The following ACLY variants were observed in gnomAD, a reference collection of about 807,000 sequenced individuals.
The protein encoded by ACLY is ATP-citrate synthase.
ACLY carries 41 observed loss-of-function variants against 133.0 expected under a neutral mutation model. The ratio of observed to expected loss-of-function variants is 0.31; its 90% confidence interval spans 0.24 to 0.40. The LOEUF is 0.40. ACLY is among the 10% of genes least tolerant of loss of function. ACLY has a pLI of 1.00. For missense variants in ACLY, 1,046 were observed against 1,453.8 expected, an observed-to-expected ratio of 0.72 and a Z score of 4.56; for synonymous variants, 495 against 549.3, an observed-to-expected ratio of 0.90 and a Z score of 1.38.
chr17:41,912,660 G>T, intron 2 of ACLY, 118 bp from the exon 3 acceptor site: 1 of 1,283,882 alleles, frequency 7.8e-7, no homozygotes, highest in Non-Finnish European at 1.1e-6. Context: ...TCCAAAGCCA[G>T]CCCTAACCAT....
chr17:41,921,084 C>T (rs2050175899), upstream of ACLY, among the ~76,000 whole-genome samples: 2 of 149,314 alleles, frequency 1.3e-5, no homozygotes, highest in Admixed American at 6.7e-5. Flanking sequence ...CGAGATCGCA[C>T]CAGTGCACTC....
Position 41,910,272 on chromosome 17 carries a change from T to C in ACLY, c.295A>G (p.Thr99Ala). ...ATCAGAAAGTTCTTGAGGAAGCCTG[T>C]GGCCTTGCCAACCTACAGAAAAATT... Reference protein sequence around the residue: ...LGQEATVGKATGFLKNFLIEP... With the variant: ...LGQEATVGKAAGFLKNFLIEP... Residue 99 changes from threonine (T) to alanine (A), a missense_variant, in exon 4 of 29, where the codon ACA becomes GCA. Physicochemically the swap from Thr to Ala is moderately conservative, Grantham distance 58 (BLOSUM62 0). This residue lies in a region of ACLY where 227 missense variants were observed against 245.6 expected (regional missense o/e 0.92). Transcript: ENST00000352035. 1 of 1,613,762 alleles carries C rather than the reference T, an allele frequency of 6.2e-7. No homozygotes were observed. The highest frequency in any genetic ancestry group is 8.5e-7 in the Non-Finnish European group (1 of 1,179,874).
chr17:41,872,403 G>A (rs1217924652), intron 23 of ACLY, among the ~76,000 whole-genome samples: 2 of 152,180 alleles, frequency 1.3e-5, no homozygotes, highest in Admixed American at 6.5e-5. Flanking sequence ...TTGGCTCACT[G>A]CAACCTCCAC....
intron 21 of ACLY, 90 bp from the exon 22 acceptor site, chr17:41,878,286 C>T: frequency 2.4e-6 from 2 of 817,664 alleles, no homozygotes; most frequent in Non-Finnish European, 3.6e-6. Flanking sequence ...CTAACCCAAA[C>T]ACTGTAGGTT....
chr17:41,902,504 G>A (rs1282504605), intron 10 of ACLY, among the ~76,000 whole-genome samples: 3 of 152,302 alleles, frequency 2.0e-5, no homozygotes, highest in South Asian at 4.1e-4. Flanking sequence ...GTGAGCCACC[G>A]CGCCCAGCGC....
intron 16 of ACLY, among the ~76,000 whole-genome samples, chr17:41,890,241 T>G (rs1413221885): frequency 2.0e-5 from 3 of 152,194 alleles, no homozygotes; most frequent in Non-Finnish European, 2.9e-5. Context: ...CATGTTTTTC[T>G]GAAATGGGAC....
intron 20 of ACLY, among the ~76,000 whole-genome samples, chr17:41,880,808 G>A (rs2144252364): frequency 6.6e-6 from 1 of 152,056 alleles, no homozygotes; most frequent in South Asian, 2.1e-4. Context: ...GGAGCTTGCA[G>A]TGAGCCGAGA....
chr17:41,869,438 C>T (rs1363767214), intron 26 of ACLY, 36 bp downstream of exon 26: 5 of 1,543,202 alleles, frequency 3.2e-6, no homozygotes, highest in East Asian at 2.3e-5. Context: ...TAAACTTGTC[C>T]AACGTGAGGG....
chr17:41,897,672 A>G (rs548938142), intron 13 of ACLY, 77 bp downstream of exon 13: 3 of 1,374,096 alleles, frequency 2.2e-6, no homozygotes, highest in South Asian at 1.3e-5. Flanking sequence ...CCCAGGGGGG[A>G]AAGGGAAAGG....
At position 41,904,698 on chromosome 17, in the gene ACLY, C is replaced by T. The variant is rs201287653; in HGVS notation, c.1065+31G>A. The T allele has an allele frequency of 6.8e-6, 11 of 1,609,168 alleles. No homozygotes were observed. The East Asian group carries it at 2.5e-4, about 36-fold the overall frequency. ...CCCTGCTTTCCCCAAACCACTTTCCCCAGAAACTGCACCACTGTTGCAACT... is the reference window on the plus strand; with the variant it reads ...CCCTGCTTTCCCCAAACCACTTTCCTCAGAAACTGCACCACTGTTGCAACT... On this transcript the variant is annotated intron_variant, in intron 10 of 28. Transcript: ENST00000352035.
chr17:41,893,404 T>C (rs1398664473), intron 14 of ACLY, among the ~76,000 whole-genome samples: 4 of 152,194 alleles, frequency 2.6e-5, no homozygotes, highest in African/African-American at 9.7e-5. Context: ...GAGGGCCTGC[T>C]AGCTGGTAAG....
intron 20 of ACLY, among the ~76,000 whole-genome samples, chr17:41,879,634 C>A (rs1322913227): frequency 7.2e-5 from 5 of 69,690 alleles, no homozygotes; most frequent in African/African-American, 2.9e-4. Flanking sequence ...GTGATAAGAG[C>A]AAGACTCCGT....
chr17:41,928,322 G>A (rs1555636178), intron 1 of ACLY, among the ~76,000 whole-genome samples: 1 of 151,818 alleles, frequency 6.6e-6, no homozygotes. Context: ...GAATCTCTTT[G>A]GCAACTTCAT....
At chr17:41,923,547 G>A (rs1358973189), upstream of ACLY, among the ~76,000 whole-genome samples, 1 of 152,196 alleles carries the variant, frequency 6.6e-6, no homozygotes, top group African/African-American at 2.4e-5. Context: ...GTGAGTAAGA[G>A]GGAAAGATCC....
intron 14 of ACLY, among the ~76,000 whole-genome samples, chr17:41,894,180 G>A (rs901078545): frequency 1.4e-5 from 2 of 146,846 alleles, no homozygotes; most frequent in African/African-American, 5.1e-5. Flanking sequence ...TCGTGCCAGT[G>A]CACTCCAGCC....
At position 41,894,376 on chromosome 17, in the gene ACLY, CAAAAAAAAAAAA is replaced by C. The variant is rs11351286; in HGVS notation, c.1460-1214_1460-1203del. The stretch of plus-strand genomic sequence containing the variant: ...TGGGCCACAGAGTGAGACCCTGTCT[CAAAAAAAAAAAA>C]AAAAAAAAAAAGGGTAAGGGAACAA... On this transcript the variant is annotated intron_variant, in intron 14 of 28. Transcript: ENST00000352035. Among the ~76,000 whole-genome samples the C allele has an allele frequency of 1.7e-3, 100 of 59,968 alleles. 1 individual carries two copies. In the East Asian group the frequency reaches 0.041, roughly 24 times the overall value. The allele number at this position is 59,968 out of a possible 152,430, so 39.3% of individuals were successfully genotyped here. A position where few individuals can be genotyped will look rare whatever the true frequency, so the allele number is the denominator to read the frequency against.
upstream of ACLY, among the ~76,000 whole-genome samples, chr17:41,922,457 A>AG (rs2050194631): frequency 6.6e-6 from 1 of 151,050 alleles, no homozygotes; most frequent in Non-Finnish European, 1.5e-5. Context: ...ACCCTGTATG[A>AG]GAAAAAAAAA....
intron 14 of ACLY, 99 bp downstream of exon 14, chr17:41,896,521 C>T (rs2049370413): frequency 8.6e-7 from 1 of 1,163,024 alleles, no homozygotes; most frequent in South Asian, 1.6e-5. Context: ...CCAGACGACA[C>T]TGCAACCCAC....
At chr17:41,913,657 T>A in intron 2 of ACLY, 58 bp downstream of exon 2, 1 of 1,574,240 alleles carries the variant, frequency 6.4e-7, no homozygotes, top group Non-Finnish European at 8.6e-7. Flanking sequence ...AACCAATGGC[T>A]TTCTCTTCCT....
Sources: allele counts gnomAD v4.1 joint callset (sites outside exome capture counted in the v4.1 genomes callset), GRCh38; gene constraint gnomAD v4.1.1; regional missense constraint gnomAD v4.1.1; transcripts MANE v1.5; gene names NCBI Gene and HGNC (gene_info 2026-07-23, HGNC 2026-07-21).